The following KBTBD11 variants were observed in gnomAD, a reference collection of about 807,000 sequenced individuals.
KBTBD11 encodes kelch repeat and BTB domain containing 11, also known as kelch repeat and BTB domain-containing protein 11.
For synonymous variants in KBTBD11, 747 were observed against 499.0 expected, an observed-to-expected ratio of 1.50 and a Z score of -6.63; for missense variants, 1,390 against 1,001.8, an observed-to-expected ratio of 1.39 and a Z score of -5.23.
In KBTBD11 at chr8:2,003,145, T is replaced by A; in HGVS notation, c.*81T>A. 1 of 1,247,092 alleles carries A rather than the reference T, an allele frequency of 8.0e-7. No homozygotes were observed. The highest frequency in any genetic ancestry group is 3.2e-5 in the East Asian group (1 of 31,468). 77.3% of individuals were successfully genotyped at this position (1,247,092 alleles called of 1,614,324 possible). On this transcript the variant is annotated 3_prime_UTR_variant, in exon 2 of 2. Transcript: ENST00000320248. ...TTTGGGCCCGCGGAGGAGGACGTGGTGGGGAGTCGGGGCCGCTGGCCACGC... is the reference window on the plus strand; with the variant it reads ...TTTGGGCCCGCGGAGGAGGACGTGGAGGGGAGTCGGGGCCGCTGGCCACGC...
At chr8:1,990,304 C>G (rs1354013625) in intron 1 of KBTBD11, among the ~76,000 whole-genome samples, 1 of 147,268 alleles carries the variant, frequency 6.8e-6, no homozygotes, top group African/African-American at 2.5e-5. Flanking sequence ...GTGCCCTGTC[C>G]GGGTGGGTAC....
intron 1 of KBTBD11, among the ~76,000 whole-genome samples, chr8:1,985,106 G>A (rs1816668644): frequency 2.0e-5 from 3 of 152,234 alleles, no homozygotes; most frequent in Non-Finnish European, 4.4e-5. Context: ...AGGAACTCCT[G>A]TTGCCGACAG....
chr8:2,001,766 T>A lies in KBTBD11; in HGVS notation c.574T>A (p.Tyr192Asn). The A allele has an allele frequency of 1.5e-6, 2 of 1,290,806 alleles. No individual in the cohort carries two copies. The highest frequency in any genetic ancestry group is 2.3e-5 in the South Asian group (1 of 42,904). 80.0% of individuals were successfully genotyped at this position (1,290,806 alleles called of 1,614,324 possible). The stretch of plus-strand genomic sequence containing the variant: ...GCTGCGGCTGCTCCTCGCCGACGCC[T>A]ACAGCGGGCGCATGGCGGGCGTGCG... ...TALRLLLADA[Y>N]SGRMAGVRPD... The change falls in exon 2 of 2, where the codon TAC becomes AAC. Residue 192 changes from tyrosine (Y) to asparagine (N), a missense_variant. Coordinates refer to ENST00000320248, the MANE Select transcript of KBTBD11 (RefSeq NM_014867.3).
intron 1 of KBTBD11, among the ~76,000 whole-genome samples, chr8:1,983,397 G>A (rs755837266): frequency 1.3e-5 from 2 of 152,314 alleles, no homozygotes; most frequent in South Asian, 4.1e-4. Context: ...CAGGCAGCTG[G>A]GTGCTCCTTG....
chr8:1,977,440 G>C (rs929384646), intron 1 of KBTBD11, among the ~76,000 whole-genome samples: 1 of 152,072 alleles, frequency 6.6e-6, no homozygotes, highest in Non-Finnish European at 1.5e-5. Flanking sequence ...CTCATGCTTG[G>C]ACTCCTGCAG....
At chr8:1,992,465 G>A (rs752149654) in intron 1 of KBTBD11, among the ~76,000 whole-genome samples, 6 of 152,038 alleles carry the variant, frequency 3.9e-5, no homozygotes, top group East Asian at 1.9e-4. Context: ...AATTGGAAGC[G>A]GGGGTGGGGT....
rs1817468923 is a variant in KBTBD11, at chr8:2,003,296, T to A, written c.*232T>A. 3 of 516,454 alleles carry A rather than the reference T, an allele frequency of 5.8e-6. No individual in the cohort carries two copies. Among genetic ancestry groups the A allele is most frequent in the Non-Finnish European group, 6.0e-6 (2 of 331,392 alleles). 32.0% of individuals were successfully genotyped at this position (516,454 alleles called of 1,614,324 possible). ...GAGACCCAGGAGGTGTGCGGATGGGTCCCTTGACAGACAGGACACAGAGAA... is the reference window on the plus strand; with the variant it reads ...GAGACCCAGGAGGTGTGCGGATGGGACCCTTGACAGACAGGACACAGAGAA... On this transcript the variant is annotated 3_prime_UTR_variant, in exon 2 of 2. Coordinates refer to ENST00000320248, the MANE Select transcript of KBTBD11 (RefSeq NM_014867.3).
chr8:2,001,549 C>A lies in KBTBD11; in HGVS notation c.357C>A (p.Ser119=). 1.4e-6 allele frequency: 2 copies of A among 1,436,198 alleles called. No homozygotes were observed. Among genetic ancestry groups the A allele is most frequent in the Non-Finnish European group, 1.8e-6 (2 of 1,100,392 alleles). The allele number at this position is 1,436,198 out of a possible 1,614,324, so 89.0% of individuals were successfully genotyped here. A position where few individuals can be genotyped will look rare whatever the true frequency, so the allele number is the denominator to read the frequency against. Residue 119 remains serine, a synonymous_variant, in exon 2 of 2, where the codon TCC becomes TCA. Transcript: ENST00000320248. ...GCGTTTGGCTTGAGGACCCCGCGTC[C>A]CCCGAGGAGCCCGGGGAGCCCGCGC... The part of the protein sequence containing the change: ...EPRVWLEDPA[S]PEEPGEPAPV...
At chr8:1,978,474 A>C (rs1329454100) in intron 1 of KBTBD11, among the ~76,000 whole-genome samples, 2 of 152,186 alleles carry the variant, frequency 1.3e-5, no homozygotes, top group Non-Finnish European at 2.9e-5. Flanking sequence ...TTCCCCTGTC[A>C]CTGTGTGACC....
chr8:1,981,391 CAATACTCT>C (rs1816535727), intron 1 of KBTBD11, among the ~76,000 whole-genome samples: 1 of 152,218 alleles, frequency 6.6e-6, no homozygotes, highest in South Asian at 2.1e-4. Flanking sequence ...GTTGAATTCA[CAATACTCT>C]AACACTGTAA....
In KBTBD11 at chr8:2,000,498, A is replaced by G. The variant is rs1181637274; in HGVS notation, c.-695A>G. 1.3e-5 allele frequency: 2 copies of G among 152,022 alleles called. No individual in the cohort carries two copies. The highest frequency in any genetic ancestry group is 1.3e-4 in the Admixed American group (2 of 15,280). The allele number at this position is 152,022 out of a possible 1,614,324, so 9.4% of individuals were successfully genotyped here. A position where few individuals can be genotyped will look rare whatever the true frequency, so the allele number is the denominator to read the frequency against. Reference sequence around the variant, plus strand: ...GCTCCTGAGACCAGCACACAGGACCAGTGTCCTCCCCGTGACCTTGCAGTT... The same window carrying G: ...GCTCCTGAGACCAGCACACAGGACCGGTGTCCTCCCCGTGACCTTGCAGTT... On this transcript the variant is annotated 5_prime_UTR_variant, in exon 2 of 2. Coordinates refer to ENST00000320248, the MANE Select transcript of KBTBD11 (RefSeq NM_014867.3).
At chr8:1,986,498 C>A (rs1306861294) in intron 1 of KBTBD11, among the ~76,000 whole-genome samples, 1 of 152,146 alleles carries the variant, frequency 6.6e-6, no homozygotes, top group African/African-American at 2.4e-5. Context: ...TTGGACAAGT[C>A]TCTCTTTTAT....
chr8:1,977,428 A>G (rs901920815), intron 1 of KBTBD11, among the ~76,000 whole-genome samples: 4 of 152,164 alleles, frequency 2.6e-5, no homozygotes, highest in African/African-American at 9.7e-5. Context: ...GGCCACCTCC[A>G]TCTCATGCTT....
intron 1 of KBTBD11, among the ~76,000 whole-genome samples, chr8:1,986,815 C>T (rs185204286): frequency 6.0e-4 from 91 of 152,196 alleles, no homozygotes; most frequent in Non-Finnish European, 1.2e-3. Flanking sequence ...ATGGATCCCA[C>T]TAAGATTTAA....
intron 1 of KBTBD11, among the ~76,000 whole-genome samples, chr8:1,994,249 G>A (rs999319430): frequency 1.3e-5 from 2 of 152,220 alleles, no homozygotes; most frequent in African/African-American, 2.4e-5. Context: ...CTGGTGGAGC[G>A]AGGCCGGGCC....
intron 1 of KBTBD11, among the ~76,000 whole-genome samples, chr8:1,991,205 A>G (rs1286255944): frequency 1.3e-5 from 2 of 152,106 alleles, no homozygotes; most frequent in Non-Finnish European, 2.9e-5. Context: ...TGTCCTTGGG[A>G]GGCACTCCTC....
intron 1 of KBTBD11, among the ~76,000 whole-genome samples, chr8:1,988,613 C>G (rs1290398302): frequency 3.9e-5 from 6 of 152,224 alleles, no homozygotes; most frequent in South Asian, 2.1e-4. Context: ...TTTGTAGATT[C>G]TGGATATTAG....
In KBTBD11 at chr8:2,002,834, A is replaced by G; in HGVS notation, c.1642A>G (p.Thr548Ala). 7.0e-7 allele frequency: 1 copy of G among 1,422,946 alleles called. No individual in the cohort carries two copies. Among genetic ancestry groups the G allele is most frequent in the East Asian group, 3.0e-5 (1 of 33,434 alleles). The allele number at this position is 1,422,946 out of a possible 1,614,324, so 88.1% of individuals were successfully genotyped here. ...VAPLRLPGGP[T>A]GLQPFRCAAL... ...GCCCCTGCGCCTCCCCGGCGGCCCC[A>G]CGGGCCTGCAGCCCTTCCGCTGCGC... is the stretch of plus-strand genomic sequence containing the variant. Residue 548 changes from threonine to alanine, a missense_variant, in exon 2 of 2, where the codon ACG (threonine) becomes GCG (alanine). Coordinates refer to ENST00000320248, the MANE Select transcript of KBTBD11 (RefSeq NM_014867.3). This position sits in a 1 kb window ranked among gnomAD's most constrained non-coding sequence, Gnocchi z 4.1.
At chr8:1,979,078 A>ATG in intron 1 of KBTBD11, among the ~76,000 whole-genome samples, 1 of 151,724 alleles carries the variant, frequency 6.6e-6, no homozygotes, top group East Asian at 2.0e-4. Context: ...ATGTGTGTGC[A>ATG]TGTGTCTGCA....
Sources: allele counts gnomAD v4.1 joint callset (sites outside exome capture counted in the v4.1 genomes callset), GRCh38; gene constraint gnomAD v4.1.1; non-coding constraint Gnocchi (gnomAD v3.1); transcripts MANE v1.5; gene names NCBI Gene and HGNC (gene_info 2026-07-23, HGNC 2026-07-21).